Variants in PRKG1 observed in about 807,000 individuals in gnomAD.
PRKG1 encodes cGMP-dependent protein kinase 1.
A neutral mutation model predicts 88.1 loss-of-function variants in PRKG1; 35 were observed. The ratio of observed to expected loss-of-function variants is 0.40; its 90% CI spans 0.30 to 0.53. PRKG1 has a LOEUF of 0.53. Among genes scored for constraint, PRKG1 ranks in the 20% least tolerant of loss-of-function variants. PRKG1 has a pLI of 0.59. For missense variants in PRKG1, 540 were observed against 839.8 expected, an observed-to-expected ratio of 0.64 and a Z score of 4.41; for synonymous variants, 303 against 292.5, an observed-to-expected ratio of 1.04 and a Z score of -0.37.
intron 1 of PRKG1, among the ~76,000 whole-genome samples, chr10:51,049,281 A>G (rs1221584409): frequency 6.6e-6 from 1 of 152,192 alleles, no homozygotes; most frequent in Non-Finnish European, 1.5e-5. Flanking sequence ...TTTAATAACT[A>G]TCTAATACCT....
chr10:51,270,325 C>G (rs1839945961), intron 2 of PRKG1, among the ~76,000 whole-genome samples: 1 of 152,112 alleles, frequency 6.6e-6, no homozygotes, highest in African/African-American at 2.4e-5. Context: ...GGTAGATTAT[C>G]TTTGTGACAG....
intron 5 of PRKG1, among the ~76,000 whole-genome samples, chr10:52,021,742 G>T (rs1055836017): frequency 6.6e-6 from 1 of 152,076 alleles, no homozygotes; most frequent in Non-Finnish European, 1.5e-5. Flanking sequence ...TGTTGATGTT[G>T]TTGACGATGA....
At chr10:52,154,857 C>A (rs1838046744) in intron 8 of PRKG1, among the ~76,000 whole-genome samples, 1 of 152,118 alleles carries the variant, frequency 6.6e-6, no homozygotes, top group African/African-American at 2.4e-5. Flanking sequence ...TTTGCATTCT[C>A]ATAGCTTAGC....
chr10:51,448,152 G>A (rs886964803), intron 2 of PRKG1, among the ~76,000 whole-genome samples: 1 of 151,980 alleles, frequency 6.6e-6, no homozygotes, highest in African/African-American at 2.4e-5. Context: ...GGAGGCTGAG[G>A]TGGGAGAATC....
At chr10:51,211,330 C>G (rs1356333648) in intron 2 of PRKG1, among the ~76,000 whole-genome samples, 1 of 152,162 alleles carries the variant, frequency 6.6e-6, no homozygotes, top group Non-Finnish European at 1.5e-5. Flanking sequence ...ATAGTAAGAG[C>G]TATCTATGAC....
At chr10:51,375,655 A>G (rs1199430469) in intron 2 of PRKG1, among the ~76,000 whole-genome samples, 1 of 152,192 alleles carries the variant, frequency 6.6e-6, no homozygotes, top group Non-Finnish European at 1.5e-5. Context: ...GGGACTTAAC[A>G]TTGAGTAACA....
intron 5 of PRKG1, among the ~76,000 whole-genome samples, chr10:51,958,761 T>C (rs1297220573): frequency 5.3e-5 from 8 of 152,138 alleles, no homozygotes; most frequent in Non-Finnish European, 1.0e-4. Context: ...CTGTTTCTGA[T>C]TGCTGCTACA....
At chr10:51,626,200 G>A (rs189003535) in intron 3 of PRKG1, among the ~76,000 whole-genome samples, 2 of 152,264 alleles carry the variant, frequency 1.3e-5, no homozygotes, top group African/African-American at 4.8e-5. Flanking sequence ...ATGTCACAAA[G>A]CAGCAGAAAT....
At chr10:51,605,062 G>C (rs1838725056) in intron 3 of PRKG1, among the ~76,000 whole-genome samples, 1 of 152,134 alleles carries the variant, frequency 6.6e-6, no homozygotes, top group Admixed American at 6.5e-5. Context: ...GAATGGGAAG[G>C]TGGTCCTCCC....
intron 2 of PRKG1, among the ~76,000 whole-genome samples, chr10:51,196,550 A>G (rs1248675303): frequency 6.6e-6 from 1 of 152,214 alleles, no homozygotes; most frequent in Non-Finnish European, 1.5e-5. Flanking sequence ...TTAATTGCTT[A>G]GAACATACAT....
In PRKG1 at chr10:51,730,449, T is replaced by A. The variant is rs537259638; in HGVS notation, c.593-74136T>A. 1.9e-4 allele frequency among the ~76,000 whole-genome samples: 29 copies of A among 152,344 alleles called. No homozygotes were observed. The South Asian group carries it at 5.8e-3, about 31-fold the overall frequency. On this transcript the variant is annotated intron_variant, in intron 3 of 17. Transcript: ENST00000373980. ...TTTAGACTTTGACCTTGCAGAGAGT[T>A]CTTTACTCATGTGAAGTGGGATGGG...
At chr10:52,045,314 G>A (rs1027601654) in intron 5 of PRKG1, among the ~76,000 whole-genome samples, 1 of 151,834 alleles carries the variant, frequency 6.6e-6, no homozygotes, top group Non-Finnish European at 1.5e-5. Flanking sequence ...ATACTAATGG[G>A]TACCTCAGTA....
intron 2 of PRKG1, among the ~76,000 whole-genome samples, chr10:51,446,419 A>G (rs1839274110): frequency 6.6e-6 from 1 of 151,848 alleles, no homozygotes; most frequent in Admixed American, 6.6e-5. Context: ...TTCAACCTTT[A>G]CTTCCTAGTT....
At chr10:51,714,886 T>C (rs901832131) in intron 3 of PRKG1, among the ~76,000 whole-genome samples, 6 of 152,238 alleles carry the variant, frequency 3.9e-5, no homozygotes, top group Admixed American at 3.3e-4. Flanking sequence ...GAGAATTACA[T>C]GCAACTATTT....
intron 3 of PRKG1, among the ~76,000 whole-genome samples, chr10:51,589,727 T>C (rs1838263394): frequency 6.6e-6 from 1 of 152,246 alleles, no homozygotes; most frequent in African/African-American, 2.4e-5. Flanking sequence ...ATTTTCCTTT[T>C]GGAAATCCCT....
chr10:51,390,081 T>C (rs530197849), intron 2 of PRKG1, among the ~76,000 whole-genome samples: 13 of 152,330 alleles, frequency 8.5e-5, no homozygotes, highest in Admixed American at 5.2e-4. Context: ...GGCATTCAGT[T>C]GAATAAGCTG....
intron 9 of PRKG1, among the ~76,000 whole-genome samples, chr10:52,244,596 A>G (rs1840955790): frequency 6.6e-6 from 1 of 150,692 alleles, no homozygotes; most frequent in Non-Finnish European, 1.5e-5. Context: ...ACGTGAAAAT[A>G]TCTTTTATTG....
At chr10:51,185,594 C>T (rs1837464783) in intron 2 of PRKG1, among the ~76,000 whole-genome samples, 1 of 151,878 alleles carries the variant, frequency 6.6e-6, no homozygotes, top group South Asian at 2.1e-4. Flanking sequence ...ACCTTTGAGT[C>T]TTCTCCTGTT....
At chr10:52,154,660 T>C (rs1346219812) in intron 8 of PRKG1, among the ~76,000 whole-genome samples, 1 of 152,198 alleles carries the variant, frequency 6.6e-6, no homozygotes, top group African/African-American at 2.4e-5. Context: ...CCTTTTTATT[T>C]CAATATTTTT....
Sources: gnomAD v4.1 joint callset for allele counts (sites outside exome capture counted in the v4.1 genomes callset) on GRCh38, gnomAD v4.1.1 for gene constraint, MANE v1.5 for transcripts, NCBI Gene and HGNC (gene_info 2026-07-23, HGNC 2026-07-21) for gene names.